CSMD1: variants seen among roughly 807,000 people sequenced by gnomAD.
The protein encoded by CSMD1 is CUB and sushi domain-containing protein 1.
Under a neutral mutation model 417.5 loss-of-function variants are expected in CSMD1, and 213 were observed. The observed-to-expected ratio is 0.51, with a 90% CI of 0.46 to 0.57. CSMD1 has a LOEUF of 0.57. CSMD1 is among the 20% of genes least tolerant of loss of function. The pLI is 0.00. For synonymous variants in CSMD1, 2,862 were observed against 1,736.8 expected (o/e 1.65, Z -16.11); for missense variants, 6,923 against 4,529.7 (o/e 1.53, Z -15.17).
At chr8:4,005,539 A>C (rs1816044102) in intron 4 of CSMD1, among the ~76,000 whole-genome samples, 1 of 152,196 alleles carries the variant, frequency 6.6e-6, no homozygotes, top group Non-Finnish European at 1.5e-5. Flanking sequence ...GAATTGGCTC[A>C]TTCTTTATTT....
In CSMD1 at chr8:3,078,700, T is replaced by C. The variant is rs80211544; in HGVS notation, c.7474+8397A>G. 7.9e-5 allele frequency among the ~76,000 whole-genome samples: 12 copies of C among 152,262 alleles called. 1 individual carries two copies. The East Asian group carries it at 2.3e-3, about 30-fold the overall frequency. On this transcript the variant is annotated intron_variant, in intron 49 of 69. Coordinates refer to ENST00000635120, the MANE Select transcript of CSMD1 (RefSeq NM_033225.6). ...GATCCCCAAAGACTGAAGGTCTACGTGGCCCTTTACAGGAAAAGAGAGCCA... is the reference window on the plus strand; with the variant it reads ...GATCCCCAAAGACTGAAGGTCTACGCGGCCCTTTACAGGAAAAGAGAGCCA...
intron 3 of CSMD1, among the ~76,000 whole-genome samples, chr8:4,220,728 G>A (rs1233740556): frequency 6.6e-6 from 1 of 152,210 alleles, no homozygotes; most frequent in Non-Finnish European, 1.5e-5. Context: ...CAATTCACTA[G>A]CTGGGATGAG....
At chr8:3,540,009 A>C (rs967047105) in intron 10 of CSMD1, among the ~76,000 whole-genome samples, 2 of 152,180 alleles carry the variant, frequency 1.3e-5, no homozygotes, top group East Asian at 1.9e-4. Context: ...ATCTCCAGTA[A>C]AACAGGGCTG....
chr8:4,113,390 C>CTT lies in CSMD1; in HGVS notation c.416-81293_416-81292dup, dbSNP rs59647790. Among the ~76,000 whole-genome samples, 341 of 81,190 alleles carry CTT rather than the reference C, an allele frequency of 4.2e-3. 16 individuals are homozygous for CTT. Among genetic ancestry groups the CTT allele is most frequent in the East Asian group, 0.023 (52 of 2,258 alleles). The allele number at this position is 81,190 out of a possible 152,430, so 53.3% of individuals were successfully genotyped here. A position where few individuals can be genotyped will look rare whatever the true frequency, so the allele number is the denominator to read the frequency against. On this transcript the variant is annotated intron_variant, in intron 3 of 69. Coordinates refer to ENST00000635120, the MANE Select transcript of CSMD1 (RefSeq NM_033225.6). ...ATGTTCTTCAAGGAAAATAAAAGGGCTTTTTTTTTTTTTTTTTTTTTTTTT... is the reference window on the plus strand; with the variant it reads ...ATGTTCTTCAAGGAAAATAAAAGGGCTTTTTTTTTTTTTTTTTTTTTTTTTTT...
chr8:4,231,461 G>C (rs1240665819), intron 3 of CSMD1, among the ~76,000 whole-genome samples: 1 of 151,878 alleles, frequency 6.6e-6, no homozygotes. Context: ...ACATTAGACA[G>C]TGAACTCTCT....
At chr8:3,597,428 C>G (rs936745447) in intron 8 of CSMD1, among the ~76,000 whole-genome samples, 2 of 152,064 alleles carry the variant, frequency 1.3e-5, no homozygotes, top group African/African-American at 4.8e-5. Context: ...GAACTACTTT[C>G]AATGCAAGCC....
intron 3 of CSMD1, among the ~76,000 whole-genome samples, chr8:4,346,507 G>A (rs1800785628): frequency 6.6e-6 from 1 of 152,010 alleles, no homozygotes; most frequent in Non-Finnish European, 1.5e-5. Context: ...TGACATTATT[G>A]TCTAAACTGA....
intron 1 of CSMD1, among the ~76,000 whole-genome samples, chr8:4,929,213 G>C (rs1807073083): frequency 6.6e-6 from 1 of 152,182 alleles, no homozygotes; most frequent in Non-Finnish European, 1.5e-5. Context: ...GACACAGTGA[G>C]AAGGCAGCTG....
At chr8:3,666,797 G>T (rs774776233) in intron 7 of CSMD1, among the ~76,000 whole-genome samples, 1 of 151,854 alleles carries the variant, frequency 6.6e-6, no homozygotes, top group Non-Finnish European at 1.5e-5. Flanking sequence ...ATGATTGTGA[G>T]GCCTCCTCAG....
chr8:3,436,927 C>CA (rs1373875615), intron 12 of CSMD1, among the ~76,000 whole-genome samples: 12 of 151,186 alleles, frequency 7.9e-5, no homozygotes, highest in South Asian at 2.1e-4. Flanking sequence ...ATGGCTTCTC[C>CA]AAAAAAAAGA....
At chr8:4,134,486 T>A (rs767233399) in intron 3 of CSMD1, among the ~76,000 whole-genome samples, 8 of 152,186 alleles carry the variant, frequency 5.3e-5, no homozygotes, top group Non-Finnish European at 8.8e-5. Context: ...GCTATCACTT[T>A]GATCTCCGAC....
chr8:4,270,584 T>C (rs1008090671), intron 3 of CSMD1, among the ~76,000 whole-genome samples: 2 of 152,194 alleles, frequency 1.3e-5, no homozygotes, highest in Admixed American at 6.5e-5. Flanking sequence ...ACACATTTTA[T>C]AGCCCGACTT....
At chr8:3,452,087 G>A (rs1336438719) in intron 12 of CSMD1, among the ~76,000 whole-genome samples, 1 of 152,162 alleles carries the variant, frequency 6.6e-6, no homozygotes, top group Admixed American at 6.5e-5. Context: ...AATTGTGAAT[G>A]GGAGTTCACT....
intron 12 of CSMD1, among the ~76,000 whole-genome samples, chr8:3,461,016 G>C (rs1028110386): frequency 2.0e-5 from 3 of 152,198 alleles, no homozygotes; most frequent in African/African-American, 7.2e-5. Flanking sequence ...CCTCAGGAAA[G>C]CCCGTTGAGA....
At chr8:3,379,008 A>T (rs1371461810) in intron 18 of CSMD1, among the ~76,000 whole-genome samples, 1 of 152,228 alleles carries the variant, frequency 6.6e-6, no homozygotes, top group Non-Finnish European at 1.5e-5. Context: ...CCATTTTCTC[A>T]TCTCAAAATC....
chr8:3,268,053 T>G (rs1051085800), intron 26 of CSMD1, among the ~76,000 whole-genome samples: 3 of 152,038 alleles, frequency 2.0e-5, no homozygotes, highest in African/African-American at 7.2e-5. Flanking sequence ...CGGGCCAATC[T>G]TTGCCTTCCA....
chr8:3,829,672 C>T (rs914821962), intron 5 of CSMD1, among the ~76,000 whole-genome samples: 4 of 152,132 alleles, frequency 2.6e-5, no homozygotes, highest in African/African-American at 7.2e-5. Flanking sequence ...CAAATGTCCT[C>T]GTATCTTAAC....
chr8:4,221,358 C>T (rs1261522939), intron 3 of CSMD1, among the ~76,000 whole-genome samples: 3 of 146,008 alleles, frequency 2.1e-5, no homozygotes, highest in Non-Finnish European at 4.5e-5. Flanking sequence ...CAAAGAAGCC[C>T]ATCTCTACAA....
chr8:4,317,461 G>A (rs991988781), intron 3 of CSMD1, among the ~76,000 whole-genome samples: 5 of 152,096 alleles, frequency 3.3e-5, no homozygotes, highest in African/African-American at 7.2e-5. Flanking sequence ...ATGTCTATAC[G>A]CTGCCAGTGT....
Sources: allele counts gnomAD v4.1 joint callset (sites outside exome capture counted in the v4.1 genomes callset), GRCh38; gene constraint gnomAD v4.1.1; transcripts MANE v1.5; gene names NCBI Gene and HGNC (gene_info 2026-07-23, HGNC 2026-07-21).